The following ATP7A variants were observed in gnomAD, a reference collection of about 807,000 sequenced individuals.
The protein encoded by ATP7A is copper-transporting ATPase 1.
In ATP7A, 7 loss-of-function variants were observed where a neutral mutation model predicts 83.5. The ratio of observed to expected loss-of-function variants is 0.08; its 90% CI spans 0.05 to 0.16. The LOEUF is 0.16. Ranked by LOEUF, ATP7A falls within the 10% of genes least tolerant of loss-of-function variation. The probability of loss-of-function intolerance (pLI) is 1.00; values close to 1 mark genes in which losing one functional copy is unlikely to be tolerated. For synonymous variants in ATP7A, 354 were observed against 395.2 expected, an observed-to-expected ratio of 0.90 and a Z score of 1.24; for missense variants, 940 against 1,120.8, an observed-to-expected ratio of 0.84 and a Z score of 2.30.
intron 1 of ATP7A, among the ~76,000 whole-genome samples, chrX:77,934,512 T>C (rs781919113): frequency 8.9e-6 from 1 of 111,761 alleles, no homozygotes; most frequent in Admixed American, 9.5e-5. Context: ...ACAGATATGA[T>C]GTCTTGTTCT....
chrX:78,020,347 C>T lies in ATP7A; in HGVS notation c.2730C>T (p.Asp910=), dbSNP rs2077896700. 8.3e-7 allele frequency: 1 copy of T among 1,211,764 alleles called. No individual in the cohort carries two copies. Among genetic ancestry groups the T allele is most frequent in the Non-Finnish European group, 1.1e-6 (1 of 895,407 alleles). The change falls in exon 13 of 23, where the codon GAC becomes GAT. Residue 910 remains aspartate (D), a synonymous_variant. Transcript: ENST00000341514. ...LLICATHVGA[D]TTLSQIVKLV... is the part of the protein sequence containing the mutation. ...TCTGCGCAACACATGTTGGAGCAGA[C>T]ACAACCCTTTCTCAAATTGTCAAAC...
intron 6 of ATP7A, among the ~76,000 whole-genome samples, chrX:78,005,429 C>T (rs2077766973): frequency 9.1e-6 from 1 of 110,320 alleles, no homozygotes; most frequent in Non-Finnish European, 1.9e-5. Context: ...TGCCTGTAAT[C>T]CCAGCACTTT....
intron 17 of ATP7A, 72 bp downstream of exon 17, chrX:78,033,893 C>A: frequency 9.8e-7 from 1 of 1,023,151 alleles, no homozygotes; most frequent in Non-Finnish European, 1.4e-6. Flanking sequence ...TAACCCTGAA[C>A]TGTTATAGAA....
chrX:77,979,127 C>T (rs1360071850), intron 2 of ATP7A, among the ~76,000 whole-genome samples: 2 of 110,991 alleles, frequency 1.8e-5, no homozygotes, highest in Non-Finnish European at 3.8e-5. Flanking sequence ...CCACTGCACC[C>T]GGCCATATAA....
chrX:77,996,475 T>A, intron 4 of ATP7A, among the ~76,000 whole-genome samples: 1 of 111,555 alleles, frequency 9.0e-6, no homozygotes, highest in Non-Finnish European at 1.9e-5. Context: ...TGTAGAAAAA[T>A]TAAAATTAAA....
intron 12 of ATP7A, among the ~76,000 whole-genome samples, chrX:78,018,709 ATTAG>A: frequency 8.9e-6 from 1 of 111,967 alleles, no homozygotes; most frequent in East Asian, 2.8e-4. Context: ...AATTTACTAC[ATTAG>A]TCAGTTTTCA....
chrX:78,007,450 CGAGT>C (rs2077784201), intron 6 of ATP7A, among the ~76,000 whole-genome samples: 4 of 111,340 alleles, frequency 3.6e-5, no homozygotes, highest in Non-Finnish European at 7.6e-5. Context: ...CTCAGCCTAC[CGAGT>C]AGCTGGGACT....
At chrX:77,957,701 C>T (rs1309049298) in intron 1 of ATP7A, among the ~76,000 whole-genome samples, 1 of 110,387 alleles carries the variant, frequency 9.1e-6, no homozygotes, top group East Asian at 2.9e-4. Context: ...CTCAAAACTT[C>T]CTTGCTAAGC....
At chrX:77,970,241 G>A (rs782632202) in intron 1 of ATP7A, among the ~76,000 whole-genome samples, 2 of 111,653 alleles carry the variant, frequency 1.8e-5, no homozygotes, top group African/African-American at 6.5e-5. Flanking sequence ...TTGGTAGGTG[G>A]CTTCCCCCAG....
chrX:77,988,497 G>C lies in ATP7A; in HGVS notation c.376G>C (p.Ala126Pro). 1 of 1,211,632 alleles carries C rather than the reference G, an allele frequency of 8.3e-7. No individual in the cohort carries two copies. Among genetic ancestry groups the C allele is most frequent in the Non-Finnish European group, 1.1e-6 (1 of 895,431 alleles). The change falls in exon 3 of 23, where the codon GCA becomes CCA. Residue 126 changes from alanine (A) to proline (P), a missense_variant. Transcript: ENST00000341514. ...IKIYPQKRTV[A>P]VTIIPSIVNA... The stretch of plus-strand genomic sequence containing the variant: ...AATTTACCCTCAGAAAAGAACTGTA[G>C]CAGTGACAATAATCCCTTCTATAGT...
rs146739359 is a variant in ATP7A, at chrX:78,035,744, C to T, written c.3511+1923C>T. Among the ~76,000 whole-genome samples, 885 of 111,556 alleles carry T rather than the reference C, an allele frequency of 7.9e-3. 9 individuals carry two copies. The highest frequency in any genetic ancestry group is 0.028 in the African/African-American group (858 of 30,653). On this transcript the variant is annotated intron_variant, in intron 17 of 22. Transcript: ENST00000341514. ...TTCCTTATTAGATCATTTCATTTAC[C>T]ATTTTCTCTATGTAATGTTCTTGTT...
chrX:77,922,582 T>C (rs959773193), intron 1 of ATP7A, among the ~76,000 whole-genome samples: 3 of 111,362 alleles, frequency 2.7e-5, no homozygotes, highest in Non-Finnish European at 5.7e-5. Flanking sequence ...CCACCCCACA[T>C]ACACAACCCT....
Position 78,009,205 on chromosome X carries a change from C to T in ATP7A, c.1811C>T (p.Ala604Val), listed in dbSNP as rs375103934. 3.3e-6 allele frequency: 4 copies of T among 1,208,076 alleles called. No individual in the cohort carries two copies. Among genetic ancestry groups the T allele is most frequent in the Non-Finnish European group, 4.5e-6 (4 of 894,250 alleles). The part of the protein sequence containing the change: ...YCSVALATNK[A>V]HIKYDPEIIG... ...TCCGTGGCCCTGGCAACCAACAAAGCACATATTAAATATGACCCAGAAATT... is the reference window on the plus strand; with the variant it reads ...TCCGTGGCCCTGGCAACCAACAAAGTACATATTAAATATGACCCAGAAATT... The change falls in exon 7 of 23, where the codon GCA (alanine) becomes GTA (valine). Residue 604 changes from alanine (A) to valine (V), a missense_variant. Physicochemically the swap from Ala to Val is moderately conservative, Grantham distance 64. Coordinates refer to ENST00000341514, the MANE Select transcript of ATP7A (RefSeq NM_000052.7).
intron 4 of ATP7A, among the ~76,000 whole-genome samples, chrX:77,997,479 G>T (rs1474907605): frequency 1.8e-5 from 2 of 112,375 alleles, no homozygotes. Flanking sequence ...CTGTGCAGGG[G>T]TTCCTTTGTC....
intron 14 of ATP7A, among the ~76,000 whole-genome samples, chrX:78,023,139 A>G (rs368611513): frequency 2.7e-5 from 3 of 112,317 alleles, no homozygotes; most frequent in Non-Finnish European, 3.8e-5. Context: ...TTATGGCTGC[A>G]TAGTATTCCA....
At chrX:78,000,092 A>G (rs2077730317) in intron 5 of ATP7A, among the ~76,000 whole-genome samples, 1 of 110,382 alleles carries the variant, frequency 9.1e-6, no homozygotes, top group South Asian at 3.8e-4. Flanking sequence ...AAATGTATGT[A>G]GTAATCACCT....
chrX:78,018,012 G>A (rs1603386557), intron 12 of ATP7A, among the ~76,000 whole-genome samples: 1 of 105,061 alleles, frequency 9.5e-6, no homozygotes, highest in Admixed American at 1.0e-4. Flanking sequence ...TCCTGACCTC[G>A]TGATCAGCCG....
intron 1 of ATP7A, among the ~76,000 whole-genome samples, chrX:77,933,279 CCAGA>C (rs1216991201): frequency 9.0e-6 from 1 of 111,550 alleles, no homozygotes; most frequent in African/African-American, 3.3e-5. Context: ...GGAATCAAAT[CCAGA>C]CAGTCTTGCT....
At chrX:78,026,029 A>G (rs183716623) in intron 14 of ATP7A, among the ~76,000 whole-genome samples, 4 of 112,038 alleles carry the variant, frequency 3.6e-5, no homozygotes, top group African/African-American at 9.7e-5. Context: ...CAATTACACA[A>G]TTGAGACTAC....
Sources: gnomAD v4.1 joint callset for allele counts (sites outside exome capture counted in the v4.1 genomes callset) on GRCh38, gnomAD v4.1.1 for gene constraint, MANE v1.5 for transcripts, NCBI Gene and HGNC (gene_info 2026-07-23, HGNC 2026-07-21) for gene names.